ZNF385D: variants seen among roughly 807,000 people sequenced by gnomAD.
ZNF385D encodes zinc finger protein 659.
In ZNF385D, 15 loss-of-function variants were observed where a neutral mutation model predicts 35.8. The ratio of observed to expected loss-of-function variants is 0.42; its 90% CI spans 0.28 to 0.64. ZNF385D has a LOEUF of 0.64. Ranked by LOEUF, ZNF385D falls within the 30% of genes least tolerant of loss-of-function variation. The pLI is 0.23. For missense variants in ZNF385D, 474 were observed against 494.6 expected (o/e 0.96, Z 0.39); for synonymous variants, 212 against 186.8 (o/e 1.13, Z -1.10).
intron 1 of ZNF385D, among the ~76,000 whole-genome samples, chr3:21,718,556 A>T (rs1352928989): frequency 6.6e-6 from 1 of 152,250 alleles, no homozygotes; most frequent in African/African-American, 2.4e-5. Context: ...CCTACAAGGC[A>T]GGTGCCATTA....
intron 3 of ZNF385D, among the ~76,000 whole-genome samples, chr3:21,769,510 C>T (rs1385631466): frequency 2.5e-5 from 3 of 121,882 alleles, no homozygotes; most frequent in African/African-American, 6.8e-5. Flanking sequence ...AATAAAATAC[C>T]TAGGAATCCA....
At chr3:21,739,555 G>T (rs1438934511) in intron 1 of ZNF385D, among the ~76,000 whole-genome samples, 4 of 152,160 alleles carry the variant, frequency 2.6e-5, no homozygotes, top group Non-Finnish European at 4.4e-5. Context: ...AGGTGGTAAA[G>T]TCTTAGCCAG....
Position 21,417,136 on chromosome 3 carries a change from TA to T in ZNF385D, c.*4077del, listed in dbSNP as rs1700573565. The stretch of plus-strand genomic sequence containing the variant: ...ACTCAGGATGGAAAGGAATACAGAA[TA>T]TTTTTCTGGACATATGCAAGTATGT... On this transcript the variant is annotated 3_prime_UTR_variant, in exon 8 of 8. Transcript: ENST00000281523. The T allele has an allele frequency of 6.6e-6, 1 of 152,132 alleles. No individual in the cohort carries two copies. Among genetic ancestry groups the T allele is most frequent in the Admixed American group, 6.6e-5 (1 of 15,264 alleles). The allele number at this position is 152,132 out of a possible 1,614,324, so 9.4% of individuals were successfully genotyped here.
intron 2 of ZNF385D, among the ~76,000 whole-genome samples, chr3:22,360,784 T>G (rs1418854904): frequency 6.6e-6 from 1 of 152,036 alleles, no homozygotes; most frequent in Admixed American, 6.6e-5. Context: ...TCAACTTTAA[T>G]GTTTAGACTC....
intron 3 of ZNF385D, among the ~76,000 whole-genome samples, chr3:21,805,105 C>T (rs1421306353): frequency 6.6e-5 from 10 of 152,066 alleles, no homozygotes; most frequent in African/African-American, 9.7e-5. Flanking sequence ...CTCTAATTAC[C>T]GGCTTTTTGC....
chr3:21,451,411 T>C (rs1702452361), intron 4 of ZNF385D, among the ~76,000 whole-genome samples: 1 of 152,108 alleles, frequency 6.6e-6, no homozygotes, highest in Admixed American at 6.6e-5. Context: ...AAATGATAGA[T>C]TACGCATCAC....
intron 5 of ZNF385D, among the ~76,000 whole-genome samples, chr3:21,433,402 T>C (rs1701395231): frequency 6.6e-6 from 1 of 152,204 alleles, no homozygotes; most frequent in African/African-American, 2.4e-5. Context: ...GAACTATTAT[T>C]CGGATGCAAG....
rs116988940 is a variant in ZNF385D, at chr3:21,434,311, A to G, written c.673+2659T>C. ...CTCCCTAAGAAACTATTTGCCCTCA[A>G]ATCCTTGTCTCCAAATCTGCTCTTG... On this transcript the variant is annotated intron_variant, in intron 5 of 7. Coordinates refer to ENST00000281523, the MANE Select transcript of ZNF385D (RefSeq NM_024697.3). 5.9e-5 allele frequency among the ~76,000 whole-genome samples: 9 copies of G among 152,166 alleles called. No homozygotes were observed. The East Asian group carries it at 1.7e-3, about 29-fold the overall frequency.
Position 21,510,947 on chromosome 3 carries a change from T to G in ZNF385D, c.353A>C (p.Gln118Pro). 1 of 1,614,182 alleles carries G rather than the reference T, an allele frequency of 6.2e-7. No homozygotes were observed. Among genetic ancestry groups the G allele is most frequent in the Non-Finnish European group, 8.5e-7 (1 of 1,180,018 alleles). ...LKALEAMKNK[Q>P]KSVTAKDSAK... ...GCTGTCCTTGGCAGTTACAGATTTC[T>G]GCTTATTTTTCATGGCTTCCAGTGC... Residue 118 changes from glutamine (Q) to proline (P), a missense_variant, in exon 4 of 8, where the codon CAG becomes CCG. Coordinates refer to ENST00000281523, the MANE Select transcript of ZNF385D (RefSeq NM_024697.3).
chr3:21,766,501 A>G (rs903863960), intron 3 of ZNF385D, among the ~76,000 whole-genome samples: 9 of 152,120 alleles, frequency 5.9e-5, no homozygotes, highest in Non-Finnish European at 1.2e-4. Flanking sequence ...CGATCATGCC[A>G]TAGCAATGTG....
At chr3:21,511,579 A>C (rs1707206963) in intron 3 of ZNF385D, 1 of 417,146 alleles carries the variant, frequency 2.4e-6, no homozygotes, top group Non-Finnish European at 4.8e-6. Flanking sequence ...AATGGAGCAC[A>C]CAGAAGCCGG....
chr3:21,550,770 C>A (rs2062540030), intron 3 of ZNF385D, among the ~76,000 whole-genome samples: 1 of 152,166 alleles, frequency 6.6e-6, no homozygotes, highest in Non-Finnish European at 1.5e-5. Flanking sequence ...CGTGCGCCAC[C>A]ACTCCCAGCT....
Position 21,848,106 on chromosome 3 carries a change from G to C in ZNF385D, c.326-183078C>G, listed in dbSNP as rs189473219. On this transcript the variant is annotated intron_variant, in intron 3 of 5. Coordinates refer to the ZNF385D transcript ENST00000494108. Reference sequence around the variant, plus strand: ...CACTGTGACTGACTTATTTCACTTAGCCCAATTGACTTATTTCTCTTAGCA... The same window carrying C: ...CACTGTGACTGACTTATTTCACTTACCCCAATTGACTTATTTCTCTTAGCA... Among the ~76,000 whole-genome samples, 198 of 152,006 alleles carry C rather than the reference G, an allele frequency of 1.3e-3. 1 individual carries two copies. The highest frequency in any genetic ancestry group is 2.1e-3 in the Non-Finnish European group (140 of 67,936).
chr3:21,969,454 T>C (rs967141357), intron 3 of ZNF385D, among the ~76,000 whole-genome samples: 8 of 152,154 alleles, frequency 5.3e-5, no homozygotes, highest in African/African-American at 9.6e-5. Context: ...GCTTTCTCTT[T>C]GTCTTCAGCC....
intron 3 of ZNF385D, among the ~76,000 whole-genome samples, chr3:21,803,128 T>C (rs1291495101): frequency 2.0e-5 from 3 of 152,164 alleles, no homozygotes; most frequent in African/African-American, 7.2e-5. Context: ...GAGGGAGTTA[T>C]ATAAGCCTCC....
At chr3:21,851,929 T>A (rs1156372974) in intron 3 of ZNF385D, among the ~76,000 whole-genome samples, 2 of 152,048 alleles carry the variant, frequency 1.3e-5, no homozygotes, top group African/African-American at 2.4e-5. Context: ...TTGACACTCC[T>A]TGTCTTGTTG....
At chr3:21,939,239 G>A (rs547753610) in intron 3 of ZNF385D, among the ~76,000 whole-genome samples, 79 of 152,270 alleles carry the variant, frequency 5.2e-4, no homozygotes, top group Middle Eastern at 3.4e-3. Context: ...TCTACCCCGT[G>A]CCTACTTTGG....
At chr3:21,930,692 T>G (rs962049705) in intron 3 of ZNF385D, among the ~76,000 whole-genome samples, 3 of 152,172 alleles carry the variant, frequency 2.0e-5, no homozygotes, top group African/African-American at 7.2e-5. Flanking sequence ...AACTGATTTT[T>G]GACAATGAAG....
intron 3 of ZNF385D, 31 bp downstream of exon 3, chr3:21,564,535 ATTTTTTTT>A: frequency 8.8e-7 from 1 of 1,130,028 alleles, no homozygotes; most frequent in Non-Finnish European, 1.2e-6. Flanking sequence ...AGCAAAATGT[ATTTTTTTT>A]TTTTAAGTGA....
Sources: allele counts gnomAD v4.1 joint callset (sites outside exome capture counted in the v4.1 genomes callset), GRCh38; gene constraint gnomAD v4.1.1; transcripts MANE v1.5; gene names NCBI Gene and HGNC (gene_info 2026-07-23, HGNC 2026-07-21).